Variants in RP9 observed in about 807,000 individuals in gnomAD.
The protein encoded by RP9 is RP9 pre-mRNA splicing factor.
Under a neutral mutation model 32.6 loss-of-function variants are expected in RP9, and 23 were observed. The ratio of observed to expected loss-of-function variants is 0.71; its 90% CI spans 0.51 to 1.00. The LOEUF is 1.00. Ranked by LOEUF, RP9 falls within the 50% of genes least tolerant of loss-of-function variation. RP9 has a pLI of 0.00. For synonymous variants in RP9, 94 were observed against 103.6 expected, an observed-to-expected ratio of 0.91 and a Z score of 0.56; for missense variants, 245 against 285.3, an observed-to-expected ratio of 0.86 and a Z score of 1.02.
At chr7:33,096,313 A>C (rs988559340) in intron 5 of RP9, among the ~76,000 whole-genome samples, 180 bp downstream of exon 5, 2 of 152,232 alleles carry the variant, frequency 1.3e-5, no homozygotes, top group East Asian at 1.9e-4. Flanking sequence ...AAGGAGGAGG[A>C]GGCTGGCCTG....
chr7:33,102,404 TG>T (rs1490284381), intron 1 of RP9, among the ~76,000 whole-genome samples: 1 of 152,280 alleles, frequency 6.6e-6, no homozygotes, highest in East Asian at 1.9e-4. Flanking sequence ...CTTGAACTCC[TG>T]GGTTCAAGCA....
Position 33,100,326 on chromosome 7 carries a change from G to A in RP9, c.183+205C>T, listed in dbSNP as rs544650790. Reference sequence around the variant, plus strand: ...ACGTGGGCCTGCACTGGTTCTTCAGGGAAGGGAAACATGGCTGATGAAATT... The same window carrying A: ...ACGTGGGCCTGCACTGGTTCTTCAGAGAAGGGAAACATGGCTGATGAAATT... On this transcript the variant is annotated intron_variant, in intron 2 of 5. Transcript: ENST00000297157. 1.1e-4 allele frequency: 71 copies of A among 630,400 alleles called. No homozygotes were observed. The South Asian group carries it at 1.3e-3, about 12-fold the overall frequency. The allele number at this position is 630,400 out of a possible 1,614,324, so 39.1% of individuals were successfully genotyped here.
Position 33,099,450 on chromosome 7 carries a change from C to A in RP9, c.184-14G>T. On this transcript the variant is annotated splice_polypyrimidine_tract_variant and intron_variant, in intron 2 of 5. Coordinates refer to ENST00000297157, the MANE Select transcript of RP9 (RefSeq NM_203288.2). ...AGTCTCATCTTCCTAAAAAAGGGAA[C>A]AGGTATAAACAGCATGGCAAGAGCG... 2 of 1,613,598 alleles carry A rather than the reference C, an allele frequency of 1.2e-6. No homozygotes were observed. Among genetic ancestry groups the A allele is most frequent in the Non-Finnish European group, 1.7e-6 (2 of 1,179,948 alleles).
chr7:33,095,159 G>A lies in RP9; in HGVS notation c.*75C>T, dbSNP rs369792814. On this transcript the variant is annotated 3_prime_UTR_variant, in exon 6 of 6. Coordinates refer to ENST00000297157, the MANE Select transcript of RP9 (RefSeq NM_203288.2). ...CCTCTCTCGGCGTCTCTATCCTGCT[G>A]CTTTCTCTGACTGCATCTTCCTCTG... 719 of 1,586,418 alleles carry A rather than the reference G, an allele frequency of 4.5e-4. 26 individuals carry two copies. The East Asian group carries it at 9.5e-3, about 21-fold the overall frequency.
At chr7:33,095,950 A>G (rs1188087845) in intron 5 of RP9, among the ~76,000 whole-genome samples, 1 of 151,824 alleles carries the variant, frequency 6.6e-6, no homozygotes, top group Admixed American at 6.6e-5. Context: ...CTCCCACCTC[A>G]TCCTCCCGAG....
intron 1 of RP9, among the ~76,000 whole-genome samples, chr7:33,101,216 G>A (rs1032573358): frequency 3.9e-5 from 6 of 151,986 alleles, no homozygotes; most frequent in Admixed American, 3.9e-4. Context: ...TTCTTCATTC[G>A]GACTCTCGTC....
intron 4 of RP9, among the ~76,000 whole-genome samples, chr7:33,097,063 C>T (rs1376894779): frequency 5.3e-5 from 8 of 152,176 alleles, no homozygotes; most frequent in Admixed American, 4.6e-4. Flanking sequence ...ACAAAGATCA[C>T]TTTAATAAGA....
Position 33,098,973 on chromosome 7 carries a change from C to T in RP9, c.313+334G>A, listed in dbSNP as rs375950905. ...CAGAAAGATGGTGTCTTAGTCAGCTCGGGCTGACATAACAAAATGCCGTAT... is the reference window on the plus strand; with the variant it reads ...CAGAAAGATGGTGTCTTAGTCAGCTTGGGCTGACATAACAAAATGCCGTAT... On this transcript the variant is annotated intron_variant, in intron 3 of 5. Transcript: ENST00000297157. The T allele has an allele frequency of 5.7e-5, 23 of 402,670 alleles. No homozygotes were observed. In the East Asian group the frequency reaches 9.2e-4, roughly 16 times the overall value. The allele number at this position is 402,670 out of a possible 1,614,324, so 24.9% of individuals were successfully genotyped here.
intron 1 of RP9, among the ~76,000 whole-genome samples, chr7:33,106,937 C>G (rs2128034030): frequency 6.6e-6 from 1 of 150,722 alleles, no homozygotes; most frequent in Admixed American, 6.6e-5. Flanking sequence ...GAGCGAGACT[C>G]CATCTCAAAA....
chr7:33,100,409 A>C, intron 2 of RP9, 122 bp downstream of exon 2: 1 of 878,820 alleles, frequency 1.1e-6, no homozygotes, highest in Non-Finnish European at 1.9e-6. Flanking sequence ...ATTCATCTGC[A>C]GGAAAAGAAA....
rs1473267265 is a variant in RP9 at position 33,099,456 on chromosome 7, T to C, written c.184-20A>G. 2.5e-6 allele frequency: 4 copies of C among 1,613,608 alleles called. No homozygotes were observed. The highest frequency in any genetic ancestry group is 3.4e-6 in the Non-Finnish European group (4 of 1,179,934). On this transcript the variant is annotated intron_variant, in intron 2 of 5. Transcript: ENST00000297157. ...ATCTTCCTAAAAAAGGGAACAGGTA[T>C]AAACAGCATGGCAAGAGCGCTGGGA...
In RP9 at chr7:33,099,427, T is replaced by C. The variant is rs1045370070; in HGVS notation, c.193A>G (p.Thr65Ala). Residue 65 changes from threonine to alanine, a missense_variant, in exon 3 of 6, where the codon ACT (threonine) becomes GCT (alanine). Coordinates refer to ENST00000297157, the MANE Select transcript of RP9 (RefSeq NM_203288.2). ...TCTGGTATGCAATCTTCTGGCTTAG[T>C]CTCATCTTCCTAAAAAAGGGAACAG... The part of the protein sequence containing the change: ...PPPGLIKEDE[T>A]KPEDCIPDVP... 3.1e-6 allele frequency: 5 copies of C among 1,612,918 alleles called. No homozygotes were observed. The African/African-American group carries it at 4.0e-5, about 13-fold the overall frequency.
intron 1 of RP9, among the ~76,000 whole-genome samples, chr7:33,103,153 G>C (rs1408907480): frequency 1.3e-5 from 2 of 152,234 alleles, no homozygotes; most frequent in Non-Finnish European, 2.9e-5. Flanking sequence ...AGTGGAAATA[G>C]CAATGGATTT....
chr7:33,101,543 A>G (rs1788424847), intron 1 of RP9, among the ~76,000 whole-genome samples: 1 of 151,982 alleles, frequency 6.6e-6, no homozygotes, highest in Non-Finnish European at 1.5e-5. Context: ...CAGAAGTTGC[A>G]GTGAGCTGAG....
At position 33,097,014 on chromosome 7, in the gene RP9, T is replaced by C. The variant is rs368211073; in HGVS notation, c.405+257A>G. ...AAAAGTGCGGTTGAATAGATAACAA[T>C]GTCTGTTTCAGAAAAAAAATCACTG... On this transcript the variant is annotated intron_variant, in intron 4 of 5. Coordinates refer to ENST00000297157, the MANE Select transcript of RP9 (RefSeq NM_203288.2). 1.4e-4 allele frequency among the ~76,000 whole-genome samples: 22 copies of C among 152,352 alleles called. No homozygotes were observed. In the East Asian group the frequency reaches 1.7e-3, roughly 12 times the overall value.
intron 3 of RP9, among the ~76,000 whole-genome samples, chr7:33,098,510 G>A (rs777817375): frequency 4.6e-5 from 7 of 152,148 alleles, no homozygotes; most frequent in Non-Finnish European, 8.8e-5. Context: ...AGGGTCACAC[G>A]AATGAATGAA....
intron 5 of RP9, 102 bp downstream of exon 5, chr7:33,096,391 C>T: frequency 1.2e-6 from 1 of 831,288 alleles, no homozygotes. Flanking sequence ...AATTGAAGTA[C>T]CATGTTTACT....
chr7:33,105,787 C>A (rs1479849998), intron 1 of RP9, among the ~76,000 whole-genome samples: 1 of 152,188 alleles, frequency 6.6e-6, no homozygotes, highest in East Asian at 1.9e-4. Context: ...CATATTTCTA[C>A]ACTGCTATAC....
intron 4 of RP9, 91 bp from the exon 5 acceptor site, chr7:33,096,645 T>A (rs1427603707): frequency 8.4e-6 from 4 of 476,008 alleles, no homozygotes; most frequent in Non-Finnish European, 1.5e-5. Context: ...AACCAGTTTA[T>A]TTTTTTTTTT....
Sources: allele counts gnomAD v4.1 joint callset (sites outside exome capture counted in the v4.1 genomes callset), GRCh38; gene constraint gnomAD v4.1.1; transcripts MANE v1.5; gene names NCBI Gene and HGNC (gene_info 2026-07-23, HGNC 2026-07-21).